Variants in DNAH2 observed in about 807,000 individuals in gnomAD.
DNAH2 encodes the protein axonemal beta dynein heavy chain 2.
Under a neutral mutation model 523.5 loss-of-function variants are expected in DNAH2, and 323 were observed. That is an observed-to-expected ratio of 0.62 (90% CI 0.56 to 0.68). The LOEUF is 0.68. DNAH2 is among the 30% of genes least tolerant of loss of function. The probability of loss-of-function intolerance (pLI) is 0.00; values close to 1 mark genes in which losing one functional copy is unlikely to be tolerated. For synonymous variants in DNAH2, 2,093 were observed against 2,177.4 expected (o/e 0.96, Z 1.08); for missense variants, 4,907 against 5,701.5 (o/e 0.86, Z 4.49).
intron 50 of DNAH2, 33 bp downstream of exon 50, chr17:7,796,685 T>C (rs1013938828): frequency 1.4e-5 from 22 of 1,591,726 alleles, no homozygotes; most frequent in Non-Finnish European, 1.7e-5. Flanking sequence ...CCCTTCTGCT[T>C]GGCCCAGCCT....
chr17:7,750,166 G>T (rs2075645169), intron 12 of DNAH2, among the ~76,000 whole-genome samples: 1 of 152,096 alleles, frequency 6.6e-6, no homozygotes, highest in Non-Finnish European at 1.5e-5. Context: ...TTACAGGTGT[G>T]AGCCATTGTG....
At chr17:7,788,889 G>A (rs777309052) in intron 44 of DNAH2, among the ~76,000 whole-genome samples, 1 of 152,208 alleles carries the variant, frequency 6.6e-6, no homozygotes, top group Admixed American at 6.5e-5. Flanking sequence ...ATGGGGCTGG[G>A]CACGGTGGCT....
At chr17:7,770,500 C>T in intron 25 of DNAH2, 57 bp from the exon 26 acceptor site, 2 of 1,613,434 alleles carry the variant, frequency 1.2e-6, no homozygotes, top group African/African-American at 1.3e-5. Flanking sequence ...CTCTCAGCTC[C>T]TGTTCCCCTT....
At chr17:7,738,815 T>C (rs897945761) in intron 8 of DNAH2, 1 of 592,752 alleles carries the variant, frequency 1.7e-6, no homozygotes, top group Non-Finnish European at 3.1e-6. Flanking sequence ...GAGGGTTGTT[T>C]CTCGGGGTCT....
chr17:7,826,682 G>GCA (rs2078030626), intron 77 of DNAH2, among the ~76,000 whole-genome samples: 1 of 151,698 alleles, frequency 6.6e-6, no homozygotes, highest in Non-Finnish European at 1.5e-5. Flanking sequence ...GGGATTACAG[G>GCA]TGCCCGCCAC....
intron 4 of DNAH2, 86 bp downstream of exon 4, chr17:7,727,378 T>C: frequency 6.6e-7 from 1 of 1,515,070 alleles, no homozygotes; most frequent in Non-Finnish European, 8.8e-7. Context: ...AGTCTTGTCA[T>C]CTCCTGTGCC....
At chr17:7,797,101 CA>C (rs75682576) in intron 50 of DNAH2, 74 bp from the exon 51 acceptor site, 191,987 of 866,332 alleles carry the variant, frequency 0.22, 2,068 homozygotes, top group Non-Finnish European at 0.24. Context: ...GACTCTGTCC[CA>C]AAAAAAAAAA....
At chr17:7,743,686 T>C (rs1445966101) in intron 12 of DNAH2, 2 of 284,994 alleles carry the variant, frequency 7.0e-6, no homozygotes, top group Non-Finnish European at 6.6e-6. Context: ...CAAAAACCAC[T>C]CCACTATCTG....
chr17:7,762,731 T>C (rs543649815), intron 18 of DNAH2, among the ~76,000 whole-genome samples: 2 of 152,138 alleles, frequency 1.3e-5, no homozygotes, highest in East Asian at 3.9e-4. Context: ...TGTGAGTCCA[T>C]GAGCACGTTC....
Position 7,798,748 on chromosome 17 carries a change from C to A in DNAH2, c.8559+30C>A. 1 of 1,599,140 alleles carries A rather than the reference C, an allele frequency of 6.3e-7. No homozygotes were observed. Among genetic ancestry groups the A allele is most frequent in the South Asian group, 1.1e-5 (1 of 90,568 alleles). ...GATTCCTTCCACACCCTTGACCAGTCAGTTCTTTGGCCTGCCTAGCTGACC... is the reference window on the plus strand; with the variant it reads ...GATTCCTTCCACACCCTTGACCAGTAAGTTCTTTGGCCTGCCTAGCTGACC... On this transcript the variant is annotated intron_variant, in intron 55 of 85. Coordinates refer to ENST00000572933, the MANE Select transcript of DNAH2 (RefSeq NM_020877.5). This position sits in a 1 kb window ranked among gnomAD's most constrained non-coding sequence, Gnocchi z 5.5.
chr17:7,808,053 GCAACCCAGGCGATCTCCTGC>G (rs2077414462), intron 63 of DNAH2, among the ~76,000 whole-genome samples: 1 of 152,142 alleles, frequency 6.6e-6, no homozygotes, highest in African/African-American at 2.4e-5. Flanking sequence ...AGGAGTCTGG[GCAACCCAGGCGATCTCCTGC>G]AAGATGCATG....
At position 7,786,430 on chromosome 17, in the gene DNAH2, G is replaced by A. The variant is rs2076736725; in HGVS notation, c.6348+88G>A. 30 of 1,513,336 alleles carry A rather than the reference G, an allele frequency of 2.0e-5. No homozygotes were observed. The highest frequency in any genetic ancestry group is 2.7e-5 in the Non-Finnish European group (30 of 1,115,222). The allele number at this position is 1,513,336 out of a possible 1,614,324, so 93.7% of individuals were successfully genotyped here. On this transcript the variant is annotated intron_variant, in intron 40 of 85. Coordinates refer to ENST00000572933, the MANE Select transcript of DNAH2 (RefSeq NM_020877.5). This position sits in a 1 kb window ranked among gnomAD's most constrained non-coding sequence, Gnocchi z 7.5. The stretch of plus-strand genomic sequence containing the variant: ...GTGGGGGCCAGGGAGGACCTTGCAA[G>A]GCCGGGAGAGCTGTACCTGGGACCA...
At chr17:7,748,051 T>A (rs7214745) in intron 12 of DNAH2, among the ~76,000 whole-genome samples, 115,177 of 152,210 alleles carry the variant, frequency 0.76, 44,550 homozygotes, top group East Asian at 1. Flanking sequence ...GCTCTCTTAG[T>A]CCTGGAGCCT....
At chr17:7,752,356 A>T (rs989522941) in intron 12 of DNAH2, among the ~76,000 whole-genome samples, 1 of 152,090 alleles carries the variant, frequency 6.6e-6, no homozygotes, top group Non-Finnish European at 1.5e-5. Context: ...GTTTAAAATC[A>T]TTTTTTCCTT....
At position 7,741,709 on chromosome 17, in the gene DNAH2, G is replaced by A. The variant is rs2075358837; in HGVS notation, c.1689+717G>A. Among the ~76,000 whole-genome samples the A allele has an allele frequency of 2.0e-5, 3 of 149,802 alleles. No individual in the cohort carries two copies. The South Asian group carries it at 6.3e-4, about 32-fold the overall frequency. On this transcript the variant is annotated intron_variant, in intron 11 of 85. Coordinates refer to ENST00000572933, the MANE Select transcript of DNAH2 (RefSeq NM_020877.5). ...GATGGAGTTTTGCTCTTGTTGCCCA[G>A]GCTGGAGTGCAGTGGTGTGATCTCG...
intron 48 of DNAH2, among the ~76,000 whole-genome samples, chr17:7,793,902 T>G (rs1234258733): frequency 6.6e-6 from 1 of 152,120 alleles, no homozygotes; most frequent in Non-Finnish European, 1.5e-5. Context: ...CGTGTATAGA[T>G]AGGTACAATT....
chr17:7,764,335 C>A, intron 20 of DNAH2, 62 bp downstream of exon 20: 3 of 1,543,560 alleles, frequency 1.9e-6, no homozygotes, highest in Non-Finnish European at 2.6e-6. Flanking sequence ...GCGGGGGAGG[C>A]CCTTGGCTGT....
Position 7,792,300 on chromosome 17 carries a change from T to G in DNAH2, c.7102T>G (p.Ser2368Ala). Reference sequence around the variant, plus strand: ...GGACCCCAAAATACGGAGTTGGACATCATTTGAGGACAAGCTCCCTAAGAG... The same window carrying G: ...GGACCCCAAAATACGGAGTTGGACAGCATTTGAGGACAAGCTCCCTAAGAG... Reference protein sequence around the residue: ...FVDPKIRSWTSFEDKLPKSWR... With the variant: ...FVDPKIRSWTAFEDKLPKSWR... The change falls in exon 46 of 86, where the codon TCA (serine) becomes GCA (alanine). Residue 2368 changes from serine to alanine, a missense_variant. This residue lies in a region of DNAH2 where 2,806 missense variants were observed against 3,190.8 expected (regional missense o/e 0.88). Transcript: ENST00000572933. The G allele has an allele frequency of 6.2e-7, 1 of 1,613,900 alleles. No individual in the cohort carries two copies. Among genetic ancestry groups the G allele is most frequent in the Non-Finnish European group, 8.5e-7 (1 of 1,179,976 alleles).
At chr17:7,735,718 C>T (rs1362064019) in intron 7 of DNAH2, among the ~76,000 whole-genome samples, 1 of 151,622 alleles carries the variant, frequency 6.6e-6, no homozygotes, top group Non-Finnish European at 1.5e-5. Context: ...GGATTACAGG[C>T]GTGAGCTACC....
Sources: allele counts gnomAD v4.1 joint callset (sites outside exome capture counted in the v4.1 genomes callset), GRCh38; gene constraint gnomAD v4.1.1; regional missense constraint gnomAD v4.1.1; non-coding constraint Gnocchi (gnomAD v3.1); transcripts MANE v1.5; gene names NCBI Gene and HGNC (gene_info 2026-07-23, HGNC 2026-07-21).